DLK1: variants seen among roughly 807,000 people sequenced by gnomAD.
DLK1 encodes the protein delta like non-canonical Notch ligand 1, also known as protein delta homolog 1.
DLK1 carries 9 observed loss-of-function variants against 35.2 expected under a neutral mutation model. That is an observed-to-expected ratio of 0.26 (90% CI 0.15 to 0.45). DLK1 has a LOEUF of 0.45. Among genes scored for constraint, DLK1 ranks in the 20% least tolerant of loss-of-function variants. The pLI is 1.00. For synonymous variants in DLK1, 231 were observed against 228.4 expected (o/e 1.01, Z -0.10); for missense variants, 522 against 528.5 (o/e 0.99, Z 0.12).
chr14:100,728,667 G>C, intron 2 of DLK1: 1 of 587,858 alleles, frequency 1.7e-6, no homozygotes, highest in Non-Finnish European at 3.0e-6. Context: ...TCTCAGAGGT[G>C]GGGGGGCAGG....
At position 100,734,376 on chromosome 14, in the gene DLK1, A is replaced by G; in HGVS notation, c.632A>G (p.Asn211Ser). ...IDKTCSRPVT[N>S]CASSPCQNGG... ...AAGACCTGCAGCCGCCCGGTGACCA[A>G]CTGCGCCAGCAGCCCGTGCCAGAAC... The change falls in exon 5 of 5, where the codon AAC becomes AGC. Residue 211 changes from asparagine (N) to serine (S), a missense_variant. By Grantham distance (46) the Asn-to-Ser change is conservative. Transcript: ENST00000341267. This position sits in a 1 kb window ranked among gnomAD's most constrained non-coding sequence, Gnocchi z 7.4. 1 of 1,611,850 alleles carries G rather than the reference A, an allele frequency of 6.2e-7. No individual in the cohort carries two copies. Among genetic ancestry groups the G allele is most frequent in the Non-Finnish European group, 8.5e-7 (1 of 1,179,176 alleles).
intron 3 of DLK1, among the ~76,000 whole-genome samples, chr14:100,731,398 C>T (rs1247332636): frequency 6.6e-6 from 1 of 152,196 alleles, no homozygotes; most frequent in Non-Finnish European, 1.5e-5. Context: ...TCTAATTTCC[C>T]TGGCTTTAAA....
In DLK1 at chr14:100,735,915, C is replaced by G. The variant is rs540690218; in HGVS notation, c.*1019C>G. 1 of 151,914 alleles carries G rather than the reference C, an allele frequency of 6.6e-6. No individual in the cohort carries two copies. The highest frequency in any genetic ancestry group is 1.5e-5 in the Non-Finnish European group (1 of 68,000). The allele number at this position is 151,914 out of a possible 1,614,324, so 9.4% of individuals were successfully genotyped here. A position where few individuals can be genotyped will look rare whatever the true frequency, so the allele number is the denominator to read the frequency against. ...CCCCAACACTATACCTGCCTCTACCCTATAGAGACATCCCTTGAGACTTGA... is the reference window on the plus strand; with the variant it reads ...CCCCAACACTATACCTGCCTCTACCGTATAGAGACATCCCTTGAGACTTGA... On this transcript the variant is annotated 3_prime_UTR_variant, in exon 5 of 5. Transcript: ENST00000341267.
rs552228299 is a variant in DLK1 at position 100,736,291 on chromosome 14, G to A, written c.*1395G>A. ...ACAGCTAAACAGCCCTTGGGTACCA[G>A]ATAGGAATATTTTGCTTCTTAGATT... On this transcript the variant is annotated 3_prime_UTR_variant, in exon 5 of 5. Coordinates refer to ENST00000341267, the MANE Select transcript of DLK1 (RefSeq NM_003836.7). The A allele has an allele frequency of 2.0e-5, 3 of 151,970 alleles. No individual in the cohort carries two copies. The highest frequency in any genetic ancestry group is 7.3e-5 in the African/African-American group (3 of 41,340). 9.4% of individuals were successfully genotyped at this position (151,970 alleles called of 1,614,324 possible). A position where few individuals can be genotyped will look rare whatever the true frequency, so the allele number is the denominator to read the frequency against.
rs2036569555 is a variant in DLK1, at chr14:100,736,153, T to C, written c.*1257T>C. On this transcript the variant is annotated 3_prime_UTR_variant, in exon 5 of 5. Coordinates refer to ENST00000341267, the MANE Select transcript of DLK1 (RefSeq NM_003836.7). The stretch of plus-strand genomic sequence containing the variant: ...GATCTCAAAAGACCTAGCCAGCTTC[T>C]GAATTTTGAATTTGACTTTTTTTTT... 1 of 141,150 alleles carries C rather than the reference T, an allele frequency of 7.1e-6. No individual in the cohort carries two copies. The highest frequency in any genetic ancestry group is 2.7e-5 in the African/African-American group (1 of 37,044). The allele number at this position is 141,150 out of a possible 1,614,324, so 8.7% of individuals were successfully genotyped here.
intron 3 of DLK1, among the ~76,000 whole-genome samples, chr14:100,731,174 C>T (rs1333582276): frequency 6.6e-6 from 1 of 152,178 alleles, no homozygotes; most frequent in Non-Finnish European, 1.5e-5. Flanking sequence ...TGGCAGCAGG[C>T]CGGATACAGG....
At chr14:100,729,302 A>G in intron 3 of DLK1, 1 of 718,840 alleles carries the variant, frequency 1.4e-6, no homozygotes, top group South Asian at 1.6e-5. Flanking sequence ...ACCTAGAGGG[A>G]ACATGGCGTG....
chr14:100,728,764 G>A (rs1402868496), intron 2 of DLK1, 172 bp from the exon 3 acceptor site: 2 of 975,308 alleles, frequency 2.1e-6, no homozygotes, highest in Non-Finnish European at 3.1e-6. Context: ...AGCTTGGCAT[G>A]TTTTCTCTTT....
rs1266667485 is a variant in DLK1 at position 100,734,542 on chromosome 14, C to T, written c.798C>T (p.Tyr266=). ...TRLPSGYGLA[Y]RLTPGVHELP... ...TGCCCAGCGGCTATGGGCTGGCCTACCGCCTGACCCCTGGGGTGCACGAGC... is the reference window on the plus strand; with the variant it reads ...TGCCCAGCGGCTATGGGCTGGCCTATCGCCTGACCCCTGGGGTGCACGAGC... The change falls in exon 5 of 5, where the codon TAC becomes TAT. Residue 266 remains tyrosine, a synonymous_variant. Transcript: ENST00000341267. This position sits in a 1 kb window ranked among gnomAD's most constrained non-coding sequence, Gnocchi z 7.4. 6.2e-7 allele frequency: 1 copy of T among 1,612,554 alleles called. No individual in the cohort carries two copies. Among genetic ancestry groups the T allele is most frequent in the Non-Finnish European group, 8.5e-7 (1 of 1,179,574 alleles).
intron 4 of DLK1, 144 bp downstream of exon 4, chr14:100,732,327 C>A: frequency 7.8e-7 from 1 of 1,278,412 alleles, no homozygotes; most frequent in Non-Finnish European, 1.1e-6. Context: ...GGGGACCGCC[C>A]TGGATGGGAG....
At position 100,737,239 on chromosome 14, in the gene DLK1, G is replaced by A. The variant is rs1277804216; in HGVS notation, c.*2343G>A. The A allele has an allele frequency of 7.1e-6, 1 of 140,542 alleles. No individual in the cohort carries two copies. Among genetic ancestry groups the A allele is most frequent in the Non-Finnish European group, 1.5e-5 (1 of 66,160 alleles). The allele number at this position is 140,542 out of a possible 1,614,324, so 8.7% of individuals were successfully genotyped here. ...TCCTTCCCCACGAAGTCATTCATAA[G>A]TCACCATCTCATCTCATTTTGAGTT... On this transcript the variant is annotated 3_prime_UTR_variant, in exon 5 of 5. Coordinates refer to ENST00000341267, the MANE Select transcript of DLK1 (RefSeq NM_003836.7).
At chr14:100,727,255 C>T (rs752755259) in intron 1 of DLK1, 120 bp downstream of exon 1, 2 of 1,066,076 alleles carry the variant, frequency 1.9e-6, no homozygotes, top group Non-Finnish European at 2.5e-6. Flanking sequence ...CCCGCCTAGC[C>T]CTAAGCCCCG....
In DLK1 at chr14:100,729,046, A is replaced by G; in HGVS notation, c.242A>G (p.Asp81Gly). The G allele has an allele frequency of 6.2e-7, 1 of 1,613,870 alleles. No individual in the cohort carries two copies. The highest frequency in any genetic ancestry group is 1.1e-5 in the South Asian group (1 of 91,072). Residue 81 changes from aspartate (D) to glycine (G), a missense_variant, in exon 3 of 5, where the codon GAC becomes GGC. By Grantham distance (94) the Asp-to-Gly change is moderately conservative. Transcript: ENST00000341267. ...CAGTGCATTTGCACCGACGGCTGGG[A>G]CGGGGAGCTCTGTGATAGAGGTTGG... The part of the protein sequence containing the change: ...PGQCICTDGW[D>G]GELCDRDVRA...
At chr14:100,732,374 C>T (rs1248115903) in intron 4 of DLK1, among the ~76,000 whole-genome samples, 191 bp downstream of exon 4, 1 of 152,246 alleles carries the variant, frequency 6.6e-6, no homozygotes, top group Non-Finnish European at 1.5e-5. Flanking sequence ...ATAATTTTTT[C>T]AAATGATCCT....
rs759069385 is a variant in DLK1 at position 100,734,270 on chromosome 14, C to T, written c.526C>T (p.Pro176Ser). Residue 176 changes from proline to serine, a missense_variant, in exon 5 of 5, where the codon CCC (proline) becomes TCC (serine). Transcript: ENST00000341267. The surrounding 1 kb of genome is among the most constrained non-coding windows in gnomAD (Gnocchi z 7.4). ...CGAGATCGTGGCCAACAGCTGCACC[C>T]CCAACCCATGCGAGAACGACGGCGT... ...FCEIVANSCT[P>S]NPCENDGVCT... 3 of 1,613,514 alleles carry T rather than the reference C, an allele frequency of 1.9e-6. No individual in the cohort carries two copies. In the Admixed American group the frequency reaches 5.0e-5, roughly 27 times the overall value.
At chr14:100,732,000 T>C (rs1202424855) in intron 3 of DLK1, 42 bp from the exon 4 acceptor site, 5 of 1,588,376 alleles carry the variant, frequency 3.1e-6, no homozygotes, top group Non-Finnish European at 4.3e-6. Context: ...CGCTCGTGTA[T>C]GGAGAGGAAG....
At chr14:100,730,641 A>G (rs2036496306) in intron 3 of DLK1, among the ~76,000 whole-genome samples, 1 of 152,236 alleles carries the variant, frequency 6.6e-6, no homozygotes, top group Non-Finnish European at 1.5e-5. Flanking sequence ...GGAGAGCTGC[A>G]GGGACAAGCT....
Position 100,734,949 on chromosome 14 carries a change from T to C in DLK1, c.*53T>C, listed in dbSNP as rs145282046. 1,455 of 1,520,250 alleles carry C rather than the reference T, an allele frequency of 9.6e-4. 12 individuals are homozygous for C. The East Asian group carries it at 0.017, about 18-fold the overall frequency. 94.2% of individuals were successfully genotyped at this position (1,520,250 alleles called of 1,614,324 possible). On this transcript the variant is annotated 3_prime_UTR_variant, in exon 5 of 5. Coordinates refer to ENST00000341267, the MANE Select transcript of DLK1 (RefSeq NM_003836.7). This position sits in a 1 kb window ranked among gnomAD's most constrained non-coding sequence, Gnocchi z 7.4. ...TCTTGGAGTTCCGCAGAGCTTACTA[T>C]ACGCGGTCTGTCCTAATCTTTGTGG...
At chr14:100,733,890 G>A (rs1158363043) in intron 4 of DLK1, among the ~76,000 whole-genome samples, 4 of 152,264 alleles carry the variant, frequency 2.6e-5, no homozygotes, top group East Asian at 3.9e-4. Flanking sequence ...GGTTAGCATC[G>A]AGATGGGGGT....
Sources: gnomAD v4.1 joint callset for allele counts (sites outside exome capture counted in the v4.1 genomes callset) on GRCh38, gnomAD v4.1.1 for gene constraint, Gnocchi (gnomAD v3.1) non-coding constraint, MANE v1.5 for transcripts, NCBI Gene and HGNC (gene_info 2026-07-23, HGNC 2026-07-21) for gene names.